DOP1A: variants seen among roughly 807,000 people sequenced by gnomAD.
DOP1A encodes the protein DOP1 leucine zipper like protein A.
DOP1A carries 90 observed loss-of-function variants against 267.6 expected under a neutral mutation model. The observed-to-expected ratio is 0.34, with a 90% CI of 0.28 to 0.40. The LOEUF is 0.40. Among genes scored for constraint, DOP1A ranks in the 10% least tolerant of loss-of-function variants. The pLI is 1.00. For missense variants in DOP1A, 2,437 were observed against 2,900.4 expected, an observed-to-expected ratio of 0.84 and a Z score of 3.67; for synonymous variants, 932 against 999.1, an observed-to-expected ratio of 0.93 and a Z score of 1.27.
At chr6:83,156,202 G>T in intron 34 of DOP1A, 99 bp downstream of exon 34, 1 of 926,844 alleles carries the variant, frequency 1.1e-6, no homozygotes. Context: ...AATATATCAA[G>T]TGTAGATCAA....
intron 21 of DOP1A, 136 bp from the exon 22 acceptor site, chr6:83,139,864 T>G (rs949224555): frequency 1.7e-6 from 1 of 574,434 alleles, no homozygotes; most frequent in African/African-American, 1.9e-5. Context: ...CCCTGATTTA[T>G]TCTTTTAGCC....
chr6:83,116,646 A>G (rs535745186), intron 7 of DOP1A, among the ~76,000 whole-genome samples: 1 of 152,190 alleles, frequency 6.6e-6, no homozygotes, highest in South Asian at 2.1e-4. Flanking sequence ...CCCATGCTCT[A>G]ATAAAAATAC....
At chr6:83,155,374 T>C (rs575851021) in intron 33 of DOP1A, among the ~76,000 whole-genome samples, 1 of 151,856 alleles carries the variant, frequency 6.6e-6, no homozygotes, top group South Asian at 2.1e-4. Context: ...GGCAGGAGGA[T>C]TGCTTGAGCC....
chr6:83,168,873 C>T, downstream of DOP1A: 10 of 1,049,130 alleles, frequency 9.5e-6, no homozygotes, highest in Non-Finnish European at 1.0e-5. Flanking sequence ...CATCATCTTG[C>T]TCATGTGATG....
chr6:83,156,391 C>T (rs1782796237), intron 34 of DOP1A, among the ~76,000 whole-genome samples: 1 of 152,122 alleles, frequency 6.6e-6, no homozygotes, highest in East Asian at 1.9e-4. Flanking sequence ...TGCGGGCAGT[C>T]ATGTTAGCAT....
intron 24 of DOP1A, among the ~76,000 whole-genome samples, chr6:83,142,998 T>C (rs1230525911): frequency 6.6e-6 from 1 of 152,222 alleles, no homozygotes; most frequent in African/African-American, 2.4e-5. Context: ...ATTTTTAAAT[T>C]AATCAAAATA....
chr6:83,105,992 G>A (rs917705963), intron 4 of DOP1A, among the ~76,000 whole-genome samples: 7 of 152,058 alleles, frequency 4.6e-5, no homozygotes, highest in South Asian at 4.1e-4. Context: ...ATACACACAC[G>A]TTATGGAGTA....
At chr6:83,132,625 A>G (rs886165097) in intron 18 of DOP1A, among the ~76,000 whole-genome samples, 4 of 152,152 alleles carry the variant, frequency 2.6e-5, no homozygotes, top group African/African-American at 7.2e-5. Flanking sequence ...TGGTGGTCTC[A>G]GTTCTTGGGT....
At chr6:83,144,444 T>C (rs918730137) in intron 24 of DOP1A, among the ~76,000 whole-genome samples, 5 of 152,100 alleles carry the variant, frequency 3.3e-5, no homozygotes, top group Non-Finnish European at 7.4e-5. Context: ...ACAGTTGAAG[T>C]ATGTAGGGAT....
intron 3 of DOP1A, among the ~76,000 whole-genome samples, chr6:83,098,913 A>T (rs1772003395): frequency 1.3e-5 from 2 of 152,204 alleles, no homozygotes; most frequent in African/African-American, 4.8e-5. Context: ...TCTCTACAGC[A>T]TTCCTTCCTT....
intron 20 of DOP1A, 86 bp downstream of exon 20, chr6:83,135,964 C>G: frequency 6.8e-7 from 1 of 1,461,904 alleles, no homozygotes; most frequent in East Asian, 2.4e-5. Context: ...GTTGAAAGAA[C>G]TGCATGTGAG....
chr6:83,142,154 G>C, intron 24 of DOP1A, 108 bp downstream of exon 24: 1 of 1,329,094 alleles, frequency 7.5e-7, no homozygotes, highest in East Asian at 2.5e-5. Context: ...CGAGTGTAAA[G>C]CAAAAGTCTG....
intron 1 of DOP1A, among the ~76,000 whole-genome samples, chr6:83,068,041 C>T (rs1784976473): frequency 6.6e-6 from 1 of 152,072 alleles, no homozygotes; most frequent in Non-Finnish European, 1.5e-5. Flanking sequence ...GCGAGGGCGG[C>T]CCCAGGTGAG....
At chr6:83,070,712 CT>C (rs1448143641) in intron 1 of DOP1A, among the ~76,000 whole-genome samples, 1 of 89,748 alleles carries the variant, frequency 1.1e-5, no homozygotes, top group Non-Finnish European at 2.2e-5. Flanking sequence ...CCTCTTCTGA[CT>C]TTCCTTTTCA....
chr6:83,106,896 A>G (rs1773706374), intron 4 of DOP1A, among the ~76,000 whole-genome samples: 1 of 152,048 alleles, frequency 6.6e-6, no homozygotes, highest in African/African-American at 2.4e-5. Context: ...GCTTCAAGAG[A>G]ATGCTCTGGT....
rs781720041 is a variant in DOP1A at position 83,142,004 on chromosome 6, G to T, written c.5499G>T (p.Val1833=). 6.2e-7 allele frequency: 1 copy of T among 1,612,668 alleles called. No homozygotes were observed. Among genetic ancestry groups the T allele is most frequent in the Non-Finnish European group, 8.5e-7 (1 of 1,179,556 alleles). The change falls in exon 24 of 39, where the codon GTG becomes GTT. Residue 1833 remains valine (V), a synonymous_variant. Transcript: ENST00000349129. ...GVHFMAAIAF[V]WNERRQNKTT... is the part of the protein sequence containing the mutation. ...ACTTTATGGCTGCCATTGCATTTGT[G>T]TGGAATGAAAGAAGACAGAATAAAA...
intron 12 of DOP1A, 62 bp downstream of exon 12, chr6:83,123,044 T>C: frequency 6.6e-7 from 1 of 1,511,978 alleles, no homozygotes. Context: ...TGGGTTTTTT[T>C]TAAGTTGTTA....
intron 15 of DOP1A, among the ~76,000 whole-genome samples, chr6:83,126,519 T>G (rs1029630088): frequency 3.9e-5 from 6 of 152,056 alleles, no homozygotes; most frequent in Non-Finnish European, 7.4e-5. Context: ...TCCTTTCTAA[T>G]TGGAAGAAAG....
chr6:83,155,784 C>T (rs983974655), intron 33 of DOP1A, among the ~76,000 whole-genome samples, 167 bp from the exon 34 acceptor site: 1 of 152,192 alleles, frequency 6.6e-6, no homozygotes, highest in Non-Finnish European at 1.5e-5. Flanking sequence ...GGCTTATATA[C>T]GTTGGATCTG....
Sources: gnomAD v4.1 joint callset for allele counts (sites outside exome capture counted in the v4.1 genomes callset) on GRCh38, gnomAD v4.1.1 for gene constraint, MANE v1.5 for transcripts, NCBI Gene and HGNC (gene_info 2026-07-23, HGNC 2026-07-21) for gene names.